The following TDRD3 variants were observed in gnomAD, a reference collection of about 807,000 sequenced individuals.
TDRD3 encodes tudor domain containing 3, also known as tudor domain-containing protein 3.
In TDRD3, 45 loss-of-function variants were observed where a neutral mutation model predicts 86.7. The ratio of observed to expected loss-of-function variants is 0.52; its 90% CI spans 0.41 to 0.67. TDRD3 has a LOEUF of 0.67. Among genes scored for constraint, TDRD3 ranks in the 30% least tolerant of loss-of-function variants. The pLI, the probability that TDRD3 is intolerant of heterozygous loss-of-function variation, is 0.00. For missense variants in TDRD3, 814 were observed against 889.0 expected (o/e 0.92, Z 1.07); for synonymous variants, 298 against 301.7 (o/e 0.99, Z 0.13).
At chr13:60,497,465 G>T (rs569640987) in intron 8 of TDRD3, among the ~76,000 whole-genome samples, 11 of 152,180 alleles carry the variant, frequency 7.2e-5, no homozygotes, top group African/African-American at 2.4e-4. Flanking sequence ...ACTAAGCTCC[G>T]TGTTTAAAGG....
rs111552355 is a variant in TDRD3, at chr13:60,459,032, A to G, written c.193-1348A>G. On this transcript the variant is annotated intron_variant, in intron 3 of 13. Transcript: ENST00000377881. ...GCTTCAACTTGGAATTTTTTTTCGT[A>G]AGTGAAAATTAGATGAAATTTTAGA... 3.4e-3 allele frequency among the ~76,000 whole-genome samples: 515 copies of G among 152,300 alleles called. 4 individuals carry two copies. Among genetic ancestry groups the G allele is most frequent in the African/African-American group, 0.012 (491 of 41,560 alleles).
At chr13:60,452,611 C>T (rs182936553) in intron 3 of TDRD3, among the ~76,000 whole-genome samples, 6 of 152,072 alleles carry the variant, frequency 3.9e-5, no homozygotes, top group East Asian at 3.9e-4. Context: ...TTAGGATAAT[C>T]GATAACATAG....
intron 1 of TDRD3, among the ~76,000 whole-genome samples, chr13:60,433,607 G>C (rs1198370979): frequency 6.6e-6 from 1 of 152,170 alleles, no homozygotes. Context: ...AAGTGAACAG[G>C]AGCAAATAAT....
chr13:60,439,029 A>G (rs1253438871), intron 1 of TDRD3, among the ~76,000 whole-genome samples: 1 of 152,058 alleles, frequency 6.6e-6, no homozygotes, highest in African/African-American at 2.4e-5. Context: ...TAATCTCTTT[A>G]CTCTTGAATT....
At chr13:60,488,694 C>T (rs781364973) in intron 7 of TDRD3, among the ~76,000 whole-genome samples, 1 of 152,136 alleles carries the variant, frequency 6.6e-6, no homozygotes, top group African/African-American at 2.4e-5. Flanking sequence ...CAGCCTCAGC[C>T]TCCCAGGTAG....
At chr13:60,480,648 A>T (rs1956289166) in intron 5 of TDRD3, among the ~76,000 whole-genome samples, 1 of 152,130 alleles carries the variant, frequency 6.6e-6, no homozygotes, top group Non-Finnish European at 1.5e-5. Context: ...TGGTCTCTTT[A>T]CATAACCCCA....
At chr13:60,455,815 C>T (rs1955655408) in intron 3 of TDRD3, among the ~76,000 whole-genome samples, 1 of 152,008 alleles carries the variant, frequency 6.6e-6, no homozygotes. Flanking sequence ...CGCCTGTAAT[C>T]CCAGCACTTT....
rs1953939339 is a variant in TDRD3, at chr13:60,397,224, A to G, written c.-141A>G. 6.6e-6 allele frequency: 3 copies of G among 455,802 alleles called. No homozygotes were observed. The highest frequency in any genetic ancestry group is 5.1e-5 in the South Asian group (1 of 19,698). The allele number at this position is 455,802 out of a possible 1,614,324, so 28.2% of individuals were successfully genotyped here. A position where few individuals can be genotyped will look rare whatever the true frequency, so the allele number is the denominator to read the frequency against. ...GCACGCGGAAGCGCCGGCCGCACTG[A>G]GCATGCCCAGTTGCAGAGCCGACCA... is the stretch of plus-strand genomic sequence containing the variant. On this transcript the variant is annotated 5_prime_UTR_variant, in exon 1 of 14. Transcript: ENST00000377881.
intron 12 of TDRD3, among the ~76,000 whole-genome samples, chr13:60,543,627 A>G (rs1957867196): frequency 6.6e-6 from 1 of 152,236 alleles, no homozygotes; most frequent in African/African-American, 2.4e-5. Flanking sequence ...TCTCTGGAAT[A>G]CATTGTTTTA....
At chr13:60,547,827 T>G (rs960917099) in intron 12 of TDRD3, among the ~76,000 whole-genome samples, 1 of 152,216 alleles carries the variant, frequency 6.6e-6, no homozygotes, top group African/African-American at 2.4e-5. Context: ...GAGTGGATTA[T>G]TATGACCCCT....
chr13:60,471,089 G>A (rs994620087), intron 5 of TDRD3, among the ~76,000 whole-genome samples: 1 of 151,998 alleles, frequency 6.6e-6, no homozygotes, highest in Admixed American at 6.6e-5. Context: ...AATATGTTTT[G>A]CAAATATTTT....
At position 60,510,644 on chromosome 13, in the gene TDRD3, A is replaced by AG. The variant is rs1330518399; in HGVS notation, c.1035dup (p.Arg346AlafsTer5). On this transcript the variant is annotated frameshift_variant, in exon 10 of 14. Transcript: ENST00000377881. LOFTEE classifies it high-confidence loss of function. ...TGCATCTAAAGGTAGAGGAAAAGGCAGGGGGCGAATAAGATCTGAAGATGA... is the reference window on the plus strand; with the variant it reads ...TGCATCTAAAGGTAGAGGAAAAGGCAGGGGGGCGAATAAGATCTGAAGATGA... 1 of 1,600,836 alleles carries AG rather than the reference A, an allele frequency of 6.2e-7. No individual in the cohort carries two copies. Among genetic ancestry groups the AG allele is most frequent in the Non-Finnish European group, 8.5e-7 (1 of 1,173,702 alleles).
chr13:60,426,348 G>A (rs779044012), intron 1 of TDRD3, among the ~76,000 whole-genome samples: 10 of 152,118 alleles, frequency 6.6e-5, no homozygotes, highest in East Asian at 1.9e-4. Context: ...TGAACAAGTT[G>A]AGAGATGTAC....
chr13:60,518,726 C>T (rs1394249909), intron 10 of TDRD3, among the ~76,000 whole-genome samples: 1 of 152,088 alleles, frequency 6.6e-6, no homozygotes, highest in African/African-American at 2.4e-5. Flanking sequence ...TACATGGATG[C>T]TTTCTTAGAC....
chr13:60,397,093 G>A (rs1953931651), upstream of TDRD3: 1 of 352,252 alleles, frequency 2.8e-6, no homozygotes, highest in Non-Finnish European at 5.1e-6. Context: ...CCTGACTCCA[G>A]CCACCAGCCG....
At position 60,572,908 on chromosome 13, in the gene TDRD3, ACAGGCAG is replaced by A. The variant is rs1377695073; in HGVS notation, c.*10-703_*10-697del. 4.6e-5 allele frequency among the ~76,000 whole-genome samples: 7 copies of A among 152,286 alleles called. 1 individual carries two copies. In the South Asian group the frequency reaches 1.0e-3, roughly 23 times the overall value. ...TACAGAACTCCATGATGCCAGCAGA[ACAGGCAG>A]CAGGTGAGGATTATAGTACCCGACG... On this transcript the variant is annotated intron_variant, in intron 13 of 13. Transcript: ENST00000377881.
intron 1 of TDRD3, among the ~76,000 whole-genome samples, chr13:60,424,418 G>A (rs999115064): frequency 3.9e-5 from 6 of 151,952 alleles, no homozygotes; most frequent in Admixed American, 6.6e-5. Context: ...TGGCTCACGC[G>A]TGTAATCCCA....
chr13:60,397,683 G>T (rs1226825464), intron 1 of TDRD3, among the ~76,000 whole-genome samples: 1 of 148,742 alleles, frequency 6.7e-6, no homozygotes, highest in Non-Finnish European at 1.5e-5. Flanking sequence ...GAGGCCGGGG[G>T]CCGCGAGCCG....
chr13:60,432,764 T>C (rs9528135), intron 1 of TDRD3, among the ~76,000 whole-genome samples: 29,700 of 152,132 alleles, frequency 0.2, 3,596 homozygotes, highest in South Asian at 0.29. Context: ...AAATTATCTT[T>C]TATGTTTTTT....
Sources: allele counts gnomAD v4.1 joint callset (sites outside exome capture counted in the v4.1 genomes callset), GRCh38; gene constraint gnomAD v4.1.1; transcripts MANE v1.5; gene names NCBI Gene and HGNC (gene_info 2026-07-23, HGNC 2026-07-21).